MTMR10: variants seen among roughly 807,000 people sequenced by gnomAD.
MTMR10 encodes myotubularin related protein 10, also known as myotubularin-related protein 10.
A neutral mutation model predicts 88.1 loss-of-function variants in MTMR10; 56 were observed. The observed-to-expected ratio is 0.64, with a 90% confidence interval of 0.51 to 0.79. The LOEUF (loss-of-function observed/expected upper bound fraction) is 0.79. MTMR10 is among the 30% of genes least tolerant of loss of function. The pLI, the probability that MTMR10 is intolerant of heterozygous loss-of-function variation, is 0.00. For synonymous variants in MTMR10, 380 were observed against 340.9 expected, an observed-to-expected ratio of 1.11 and a Z score of -1.26; for missense variants, 883 against 924.7, an observed-to-expected ratio of 0.95 and a Z score of 0.58.
At chr15:30,951,865 A>C in intron 12 of MTMR10, 103 bp downstream of exon 12, 1 of 992,842 alleles carries the variant, frequency 1.0e-6, no homozygotes. Flanking sequence ...GTAGTAAATA[A>C]GAAATAGCTA....
chr15:30,966,903 G>C (rs989981135), intron 6 of MTMR10, among the ~76,000 whole-genome samples: 3 of 141,938 alleles, frequency 2.1e-5, no homozygotes, highest in African/African-American at 5.2e-5. Context: ...CAGAAAGGTA[G>C]TTATCTTTTA....
At chr15:30,935,556 G>A (rs1221314352), downstream of MTMR10, among the ~76,000 whole-genome samples, 4 of 152,156 alleles carry the variant, frequency 2.6e-5, no homozygotes, top group Non-Finnish European at 4.4e-5. Flanking sequence ...ATGATTTAAA[G>A]TATATGAGAA....
At chr15:30,963,654 T>C (rs61997086) in intron 6 of MTMR10, among the ~76,000 whole-genome samples, 10 of 145,874 alleles carry the variant, frequency 6.9e-5, no homozygotes, top group Admixed American at 4.1e-4. Context: ...AATAGACAGA[T>C]AGATAGATAG....
chr15:30,966,846 C>CTACTGTATT (rs1201866948), intron 6 of MTMR10, among the ~76,000 whole-genome samples: 3 of 144,892 alleles, frequency 2.1e-5, no homozygotes, highest in Non-Finnish European at 4.5e-5. Flanking sequence ...TATATTATCT[C>CTACTGTATT]TACTGTATTT....
chr15:30,983,572 C>T (rs2030736035), intron 2 of MTMR10, among the ~76,000 whole-genome samples: 1 of 152,164 alleles, frequency 6.6e-6, no homozygotes, highest in Non-Finnish European at 1.5e-5. Context: ...TAGGTTGGAA[C>T]ACAGTTTAAG....
chr15:30,978,862 C>T (rs2030350829), intron 2 of MTMR10, among the ~76,000 whole-genome samples: 1 of 151,750 alleles, frequency 6.6e-6, no homozygotes, highest in Admixed American at 6.6e-5. Context: ...TTGGCCTTAA[C>T]TGAATTCTAA....
At chr15:30,930,644 G>T in the MTMR10 span, 6 of 1,613,132 alleles carry the variant, frequency 3.7e-6, no homozygotes, top group East Asian at 1.3e-4. Context: ...ACCTGGTGGT[G>T]TGGAACTCCC....
the MTMR10 span, chr15:30,922,222 A>G: frequency 1.3e-6 from 2 of 1,596,270 alleles, no homozygotes; most frequent in South Asian, 1.1e-5. Context: ...TTTCTTTGTT[A>G]TTGTTGCAAT....
At chr15:30,954,733 A>G (rs534639183) in intron 10 of MTMR10, 30 bp downstream of exon 10, 1 of 1,565,344 alleles carries the variant, frequency 6.4e-7, no homozygotes, top group Non-Finnish European at 8.6e-7. Flanking sequence ...TCCTGTGTTC[A>G]TTATATATAT....
chr15:30,969,511 T>C (rs1486315073), intron 5 of MTMR10, among the ~76,000 whole-genome samples: 2 of 152,160 alleles, frequency 1.3e-5, no homozygotes, highest in Non-Finnish European at 2.9e-5. Context: ...CACTTTTCTC[T>C]AGACATTTTT....
chr15:30,939,477 A>G lies in MTMR10; in HGVS notation c.*1993T>C, dbSNP rs984338740. The G allele has an allele frequency of 1.0e-6, 1 of 985,372 alleles. No individual in the cohort carries two copies. Among genetic ancestry groups the G allele is most frequent in the Non-Finnish European group, 1.2e-6 (1 of 829,844 alleles). 61.0% of individuals were successfully genotyped at this position (985,372 alleles called of 1,614,324 possible). ...CTGAAGGCTGTCATAGTTGTTTTTC[A>G]TATTATGCACAATAAACTGTAGCAC... On this transcript the variant is annotated 3_prime_UTR_variant, in exon 16 of 16. Transcript: ENST00000435680.
chr15:30,990,199 G>A (rs145136737), intron 2 of MTMR10, among the ~76,000 whole-genome samples: 12 of 152,286 alleles, frequency 7.9e-5, no homozygotes, highest in Non-Finnish European at 1.8e-4. Context: ...CAACTAGGTG[G>A]TGGGGGATAA....
chr15:30,955,424 C>G (rs567751534), intron 9 of MTMR10, among the ~76,000 whole-genome samples: 1 of 152,308 alleles, frequency 6.6e-6, no homozygotes, highest in Admixed American at 6.5e-5. Flanking sequence ...GCACCCGCCA[C>G]CACACCTGGC....
intron 9 of MTMR10, 103 bp downstream of exon 9, chr15:30,958,756 CTAAT>C (rs1207296359): frequency 1.7e-5 from 20 of 1,164,438 alleles, no homozygotes; most frequent in Admixed American, 9.5e-5. Flanking sequence ...ATGGTGCTAA[CTAAT>C]TAGTAAGACT....
intron 5 of MTMR10, among the ~76,000 whole-genome samples, chr15:30,972,129 T>G (rs988839538): frequency 2.0e-5 from 3 of 152,094 alleles, no homozygotes; most frequent in African/African-American, 7.2e-5. Context: ...ACTGATAAAA[T>G]AGCAAAGCAT....
At chr15:30,942,736 A>ACAGT in intron 15 of MTMR10, 154 bp downstream of exon 15, 2 of 739,768 alleles carry the variant, frequency 2.7e-6, no homozygotes, top group Non-Finnish European at 4.1e-6. Flanking sequence ...AAGCTGGGAT[A>ACAGT]CAGTCATTTG....
At chr15:30,928,712 C>T in the MTMR10 span, 158 of 1,609,782 alleles carry the variant, frequency 9.8e-5, 3 homozygotes, top group South Asian at 1.5e-3. Context: ...CCGTGGCTCA[C>T]GCCCACCTGG....
intron 2 of MTMR10, among the ~76,000 whole-genome samples, chr15:30,981,503 C>A (rs1342538154): frequency 6.6e-6 from 1 of 152,200 alleles, no homozygotes; most frequent in Admixed American, 6.5e-5. Flanking sequence ...AAGAAAACAT[C>A]GGACAAATCC....
chr15:30,919,524 C>G, the MTMR10 span, among the ~76,000 whole-genome samples: 4 of 151,530 alleles, frequency 2.6e-5, no homozygotes, highest in African/African-American at 9.7e-5. Flanking sequence ...AACCTCGTCT[C>G]TACTAAAAAT....
Sources: allele counts gnomAD v4.1 joint callset (sites outside exome capture counted in the v4.1 genomes callset), GRCh38; gene constraint gnomAD v4.1.1; transcripts MANE v1.5; gene names NCBI Gene and HGNC (gene_info 2026-07-23, HGNC 2026-07-21).